Variants in RALGPS2 observed in about 807,000 individuals in gnomAD.
RALGPS2 encodes the protein ras-specific guanine nucleotide-releasing factor RalGPS2.
A neutral mutation model predicts 86.8 loss-of-function variants in RALGPS2; 43 were observed. That is an observed-to-expected ratio of 0.50 (90% CI 0.39 to 0.64). RALGPS2 has a LOEUF of 0.64. RALGPS2 is among the 30% of genes least tolerant of loss of function. The pLI is 0.00. For missense variants in RALGPS2, 536 were observed against 694.6 expected, an observed-to-expected ratio of 0.77 and a Z score of 2.57; for synonymous variants, 243 against 231.3, an observed-to-expected ratio of 1.05 and a Z score of -0.46.
At chr1:178,747,368 TGTG>T in intron 1 of RALGPS2, 1 of 1,529,556 alleles carries the variant, frequency 6.5e-7, no homozygotes, top group East Asian at 2.2e-5. Flanking sequence ...ATTTTCTAAT[TGTG>T]GTAGATGTAC....
At chr1:178,761,698 T>A (rs1225495108) in intron 1 of RALGPS2, among the ~76,000 whole-genome samples, 1 of 151,840 alleles carries the variant, frequency 6.6e-6, no homozygotes, top group African/African-American at 2.4e-5. Context: ...GTAGCTGAGA[T>A]TACAGGCACG....
At chr1:178,845,483 C>T (rs943832499) in intron 8 of RALGPS2, among the ~76,000 whole-genome samples, 1 of 152,036 alleles carries the variant, frequency 6.6e-6, no homozygotes, top group African/African-American at 2.4e-5. Flanking sequence ...AATGTAAGCC[C>T]CTATTTGTCT....
At chr1:178,899,012 C>T (rs950524694) in intron 17 of RALGPS2, among the ~76,000 whole-genome samples, 3 of 151,870 alleles carry the variant, frequency 2.0e-5, no homozygotes, top group African/African-American at 7.2e-5. Context: ...TTCACATAGC[C>T]ACATTGAGAT....
At chr1:178,828,630 A>C (rs80239287) in intron 7 of RALGPS2, among the ~76,000 whole-genome samples, 1,800 of 152,356 alleles carry the variant, frequency 0.012, 38 homozygotes, top group East Asian at 0.091. Context: ...GACATTTCTC[A>C]AAAGAAAACA....
At chr1:178,785,076 T>G (rs1261370745) in intron 3 of RALGPS2, among the ~76,000 whole-genome samples, 1 of 152,068 alleles carries the variant, frequency 6.6e-6, no homozygotes, top group Non-Finnish European at 1.5e-5. Flanking sequence ...GTGTTGACTT[T>G]TGTCTTATAT....
At chr1:178,878,328 A>T (rs1448462814) in intron 9 of RALGPS2, among the ~76,000 whole-genome samples, 1 of 152,136 alleles carries the variant, frequency 6.6e-6, no homozygotes, top group Admixed American at 6.5e-5. Context: ...TTATATGATT[A>T]CTTCAAGTGA....
chr1:178,798,543 A>C (rs1359628154), intron 4 of RALGPS2, among the ~76,000 whole-genome samples: 2 of 152,186 alleles, frequency 1.3e-5, no homozygotes, highest in East Asian at 3.9e-4. Context: ...AACAGGTTGA[A>C]TTGCTTGAAA....
chr1:178,910,750 G>A (rs1428030205), intron 19 of RALGPS2, among the ~76,000 whole-genome samples: 1 of 152,080 alleles, frequency 6.6e-6, no homozygotes, highest in African/African-American at 2.4e-5. Flanking sequence ...GCTAGTTTTT[G>A]GAATCAGAAT....
intron 8 of RALGPS2, among the ~76,000 whole-genome samples, chr1:178,848,126 C>T (rs1656957552): frequency 6.6e-6 from 1 of 151,854 alleles, no homozygotes; most frequent in Non-Finnish European, 1.5e-5. Flanking sequence ...CTGGGCAACA[C>T]AGTGAGACCC....
At chr1:178,916,093 C>T (rs1660802534) in intron 19 of RALGPS2, among the ~76,000 whole-genome samples, 1 of 152,184 alleles carries the variant, frequency 6.6e-6, no homozygotes, top group Non-Finnish European at 1.5e-5. Context: ...GTCTCTACCC[C>T]TTCTCCTGTA....
chr1:178,781,389 G>A lies in RALGPS2; in HGVS notation c.58-3029G>A, dbSNP rs74512412. 7.0e-3 allele frequency among the ~76,000 whole-genome samples: 1,058 copies of A among 152,170 alleles called. 5 individuals are homozygous for A. The highest frequency in any genetic ancestry group is 0.01 in the Middle Eastern group (3 of 294). On this transcript the variant is annotated intron_variant, in intron 2 of 19. Transcript: ENST00000367635. The stretch of plus-strand genomic sequence containing the variant: ...TACTTTATCCTTTTATATTTAACTC[G>A]TGTTTGAAGTTTCCGTCAGTAGGAG...
intron 1 of RALGPS2, chr1:178,747,600 A>C: frequency 6.3e-7 from 1 of 1,596,058 alleles, no homozygotes; most frequent in East Asian, 2.2e-5. Flanking sequence ...GTTAAGATGT[A>C]ACTCCTTTGT....
intron 1 of RALGPS2, among the ~76,000 whole-genome samples, chr1:178,763,658 G>A (rs893540284): frequency 2.0e-5 from 3 of 152,152 alleles, no homozygotes; most frequent in Non-Finnish European, 4.4e-5. Flanking sequence ...GGATGTTGGT[G>A]TATAGGAGTG....
chr1:178,891,637 G>A (rs1659713543), intron 14 of RALGPS2, among the ~76,000 whole-genome samples: 2 of 151,588 alleles, frequency 1.3e-5, no homozygotes, highest in Non-Finnish European at 2.9e-5. Context: ...GTGCCATTTT[G>A]GATAAGTATT....
chr1:178,729,995 G>T (rs1650244385), intron 1 of RALGPS2, among the ~76,000 whole-genome samples: 1 of 152,154 alleles, frequency 6.6e-6, no homozygotes, highest in Non-Finnish European at 1.5e-5. Context: ...AGGCTGAAGT[G>T]CAGTGGTGCG....
At chr1:178,852,707 C>T in intron 8 of RALGPS2, 1 of 1,613,648 alleles carries the variant, frequency 6.2e-7, no homozygotes, top group Non-Finnish European at 8.5e-7. Context: ...TTATCTCTGT[C>T]CAGTGTGGTG....
chr1:178,779,869 G>A (rs1653295801), intron 2 of RALGPS2, among the ~76,000 whole-genome samples: 1 of 152,164 alleles, frequency 6.6e-6, no homozygotes. Flanking sequence ...CAGTAGCTGG[G>A]ATTACAGGTG....
chr1:178,820,360 C>T (rs1268383301), intron 6 of RALGPS2, among the ~76,000 whole-genome samples: 1 of 152,200 alleles, frequency 6.6e-6, no homozygotes, highest in Non-Finnish European at 1.5e-5. Flanking sequence ...CAAATCTAGC[C>T]TTTAAAGAGG....
At chr1:178,733,148 A>G (rs1192977866) in intron 1 of RALGPS2, among the ~76,000 whole-genome samples, 1 of 152,248 alleles carries the variant, frequency 6.6e-6, no homozygotes, top group Non-Finnish European at 1.5e-5. Flanking sequence ...ATGGAAAAAT[A>G]TCTGTATGAC....
Sources: allele counts gnomAD v4.1 joint callset (sites outside exome capture counted in the v4.1 genomes callset), GRCh38; gene constraint gnomAD v4.1.1; transcripts MANE v1.5; gene names NCBI Gene and HGNC (gene_info 2026-07-23, HGNC 2026-07-21).